The following PLXNA4 variants were observed in gnomAD, a reference collection of about 807,000 sequenced individuals.
The protein encoded by PLXNA4 is plexin-A4.
In PLXNA4, 44 loss-of-function variants were observed where a neutral mutation model predicts 191.8. The observed-to-expected ratio is 0.23, with a 90% CI of 0.18 to 0.29. The LOEUF (loss-of-function observed/expected upper bound fraction) is 0.29, where lower values mean the gene tolerates loss of function less well. Ranked by LOEUF, PLXNA4 falls within the 10% of genes least tolerant of loss-of-function variation. The probability of loss-of-function intolerance (pLI) is 1.00; values close to 1 mark genes in which losing one functional copy is unlikely to be tolerated. For missense variants in PLXNA4, 1,800 were observed against 2,488.8 expected, an observed-to-expected ratio of 0.72 and a Z score of 5.89; for synonymous variants, 1,082 against 1,009.5, an observed-to-expected ratio of 1.07 and a Z score of -1.36.
At chr7:132,485,133 C>A in intron 3 of PLXNA4, 1 of 1,403,482 alleles carries the variant, frequency 7.1e-7, no homozygotes, top group Non-Finnish European at 9.5e-7. Context: ...ACTCCTATTG[C>A]CTCTTCATGG....
intron 28 of PLXNA4, among the ~76,000 whole-genome samples, 197 bp downstream of exon 28, chr7:132,146,313 G>A (rs927622422): frequency 6.6e-6 from 1 of 152,124 alleles, no homozygotes; most frequent in Admixed American, 6.5e-5. Flanking sequence ...TGTATTGGCA[G>A]GGTTTGCCTG....
intron 28 of PLXNA4, 109 bp from the exon 29 acceptor site, chr7:132,145,397 C>T (rs543965910): frequency 6.8e-7 from 1 of 1,475,640 alleles, no homozygotes; most frequent in Non-Finnish European, 9.1e-7. Flanking sequence ...TACAGCCCAC[C>T]CTACTTGGGT....
intron 10 of PLXNA4, among the ~76,000 whole-genome samples, chr7:132,207,618 C>T (rs1191098751): frequency 6.6e-6 from 1 of 152,242 alleles, no homozygotes; most frequent in African/African-American, 2.4e-5. Context: ...AATGGCTCCA[C>T]CACCCCAACC....
At chr7:132,189,456 C>T (rs1797020304) in intron 14 of PLXNA4, among the ~76,000 whole-genome samples, 1 of 152,060 alleles carries the variant, frequency 6.6e-6, no homozygotes. Context: ...CTAGTGACAG[C>T]CCAGGGTGTT....
chr7:132,230,567 G>A (rs546353141), intron 5 of PLXNA4, among the ~76,000 whole-genome samples: 9 of 152,294 alleles, frequency 5.9e-5, no homozygotes, highest in South Asian at 2.1e-4. Context: ...CCAGCTGACC[G>A]ATGGCAACAA....
intron 3 of PLXNA4, among the ~76,000 whole-genome samples, chr7:132,403,745 G>A (rs1167562289): frequency 6.6e-6 from 1 of 152,164 alleles, no homozygotes; most frequent in Non-Finnish European, 1.5e-5. Context: ...TTGTGGGGTG[G>A]GAGGGAAGAG....
At chr7:132,227,859 C>T (rs907383387) in intron 6 of PLXNA4, among the ~76,000 whole-genome samples, 3 of 152,144 alleles carry the variant, frequency 2.0e-5, no homozygotes, top group Non-Finnish European at 4.4e-5. Flanking sequence ...AACAAGAATG[C>T]TTAAGGGATT....
chr7:132,618,392 A>G (rs1563196222), intron 2 of PLXNA4, among the ~76,000 whole-genome samples: 1 of 151,168 alleles, frequency 6.6e-6, no homozygotes, highest in Non-Finnish European at 1.5e-5. Context: ...GGCAGAGGCC[A>G]TGTTCATTCT....
At position 132,489,427 on chromosome 7, in the gene PLXNA4, G is replaced by T. The variant is rs1797693115; in HGVS notation, c.1236C>A (p.Pro412=). The change falls in exon 3 of 32, where the codon CCC becomes CCA. Residue 412 remains proline (P), a synonymous_variant. Transcript: ENST00000321063. ...DNFCGLDMNA[P]LGVSDMVRGI... ...CACGCACCATGTCGGACACTCCCAG[G>T]GGAGCATTCATGTCCAGGCCACAGA... is the stretch of plus-strand genomic sequence containing the variant. 1 of 1,594,466 alleles carries T rather than the reference G, an allele frequency of 6.3e-7. No homozygotes were observed. The highest frequency in any genetic ancestry group is 8.6e-7 in the Non-Finnish European group (1 of 1,163,596).
intron 12 of PLXNA4, 85 bp from the exon 13 acceptor site, chr7:132,198,721 T>C: frequency 6.4e-7 from 1 of 1,550,634 alleles, no homozygotes; most frequent in South Asian, 1.2e-5. Flanking sequence ...CTGCTGGCTC[T>C]TGTCTCATCT....
At chr7:132,437,586 C>T (rs1377826735) in intron 3 of PLXNA4, among the ~76,000 whole-genome samples, 2 of 131,586 alleles carry the variant, frequency 1.5e-5, no homozygotes, top group African/African-American at 5.4e-5. Flanking sequence ...AAAAAAAAAA[C>T]AGAAAAAGCC....
intron 3 of PLXNA4, among the ~76,000 whole-genome samples, chr7:132,476,092 T>C (rs1797119712): frequency 6.6e-6 from 1 of 152,150 alleles, no homozygotes; most frequent in African/African-American, 2.4e-5. Flanking sequence ...GGTGTGTGTG[T>C]CAGCTGGGTG....
At chr7:132,558,300 T>C (rs1291502461) in intron 1 of PLXNA4, among the ~76,000 whole-genome samples, 4 of 152,156 alleles carry the variant, frequency 2.6e-5, no homozygotes, top group Non-Finnish European at 5.9e-5. Context: ...GCTGGAGAAA[T>C]GACATTTTTT....
At chr7:132,595,917 A>C (rs1025581018) in intron 2 of PLXNA4, among the ~76,000 whole-genome samples, 1 of 152,202 alleles carries the variant, frequency 6.6e-6, no homozygotes, top group Non-Finnish European at 1.5e-5. Context: ...ATTATCCTAC[A>C]TACCTTCAAT....
intron 3 of PLXNA4, among the ~76,000 whole-genome samples, chr7:132,316,788 G>A (rs1563030947): frequency 2.0e-5 from 3 of 152,248 alleles, no homozygotes; most frequent in Admixed American, 2.0e-4. Flanking sequence ...TTTAAATAAG[G>A]GACTGGGGTC....
chr7:132,240,684 A>G (rs1798848141), intron 5 of PLXNA4, among the ~76,000 whole-genome samples: 1 of 152,232 alleles, frequency 6.6e-6, no homozygotes, highest in African/African-American at 2.4e-5. Context: ...ACAGAAAAAA[A>G]GATCCAATGC....
chr7:132,222,885 G>T (rs1798193398), intron 9 of PLXNA4, among the ~76,000 whole-genome samples: 1 of 152,148 alleles, frequency 6.6e-6, no homozygotes, highest in Non-Finnish European at 1.5e-5. Flanking sequence ...TCTTCAACCT[G>T]GACCGAGCAT....
intron 3 of PLXNA4, among the ~76,000 whole-genome samples, chr7:132,465,697 T>C (rs970218232): frequency 2.0e-5 from 3 of 152,146 alleles, no homozygotes; most frequent in African/African-American, 7.2e-5. Context: ...GGCCTGGGAA[T>C]GTCAGTTCGG....
intron 1 of PLXNA4, among the ~76,000 whole-genome samples, chr7:132,557,888 T>C (rs1430030757): frequency 6.6e-6 from 1 of 152,020 alleles, no homozygotes; most frequent in Admixed American, 6.6e-5. Context: ...ACCATTCAAA[T>C]ACTTCTCTTT....
Sources: allele counts gnomAD v4.1 joint callset (sites outside exome capture counted in the v4.1 genomes callset), GRCh38; gene constraint gnomAD v4.1.1; transcripts MANE v1.5; gene names NCBI Gene and HGNC (gene_info 2026-07-23, HGNC 2026-07-21).